The following FRMD5 variants were observed in gnomAD, a reference collection of about 807,000 sequenced individuals.
FRMD5 encodes FERM domain containing 5, also known as FERM domain-containing protein 5.
Under a neutral mutation model 69.0 loss-of-function variants are expected in FRMD5, and 20 were observed. The ratio of observed to expected loss-of-function variants is 0.29; its 90% CI spans 0.20 to 0.42. The LOEUF (loss-of-function observed/expected upper bound fraction) is 0.42, where lower values mean the gene tolerates loss of function less well. Among genes scored for constraint, FRMD5 ranks in the 10% least tolerant of loss-of-function variants. The probability of loss-of-function intolerance (pLI) is 1.00; values close to 1 mark genes in which losing one functional copy is unlikely to be tolerated. For missense variants in FRMD5, 595 were observed against 708.6 expected, an observed-to-expected ratio of 0.84 and a Z score of 1.82; for synonymous variants, 271 against 260.1, an observed-to-expected ratio of 1.04 and a Z score of -0.40.
chr15:43,969,256 A>T (rs906931634), intron 1 of FRMD5, among the ~76,000 whole-genome samples: 2 of 151,768 alleles, frequency 1.3e-5, no homozygotes, highest in Non-Finnish European at 1.5e-5. Flanking sequence ...TAATTTTTAA[A>T]TTTTTTGTAG....
chr15:43,882,240 C>T (rs547287348), intron 13 of FRMD5, among the ~76,000 whole-genome samples: 16 of 152,112 alleles, frequency 1.1e-4, no homozygotes, highest in African/African-American at 2.9e-4. Context: ...AGTGGAGATA[C>T]GTAGAATTTC....
intron 9 of FRMD5, 65 bp from the exon 10 acceptor site, chr15:43,888,331 G>A (rs1567211731): frequency 1.7e-6 from 2 of 1,150,828 alleles, no homozygotes; most frequent in Non-Finnish European, 2.6e-6. Context: ...AAGTAGGCGA[G>A]GACCCTGACC....
intron 1 of FRMD5, among the ~76,000 whole-genome samples, chr15:44,177,015 GA>G (rs1371551005): frequency 2.0e-5 from 3 of 148,878 alleles, no homozygotes; most frequent in Non-Finnish European, 4.4e-5. Flanking sequence ...TTGGCCAGGA[GA>G]AACTGGAACC....
intron 7 of FRMD5, among the ~76,000 whole-genome samples, chr15:43,893,592 CTT>C (rs2088846558): frequency 1.3e-5 from 2 of 152,322 alleles, no homozygotes; most frequent in South Asian, 4.1e-4. Flanking sequence ...TGACCAGAAA[CTT>C]ATGCTGTGAT....
At chr15:44,125,441 T>A (rs992540208) in intron 1 of FRMD5, among the ~76,000 whole-genome samples, 5 of 152,250 alleles carry the variant, frequency 3.3e-5, no homozygotes, top group Admixed American at 6.5e-5. Flanking sequence ...CCTTGTGCTC[T>A]TACACATAAT....
upstream of FRMD5, among the ~76,000 whole-genome samples, chr15:44,196,788 C>T (rs1370448078): frequency 6.7e-6 from 1 of 149,132 alleles, no homozygotes; most frequent in Non-Finnish European, 1.5e-5. Flanking sequence ...CTCCCCCTCT[C>T]CCTCCCCCTT....
chr15:43,883,859 G>T, intron 12 of FRMD5, 50 bp from the exon 13 acceptor site: 1 of 1,363,172 alleles, frequency 7.3e-7, no homozygotes, highest in Non-Finnish European at 1.1e-6. Context: ...GGACACATTT[G>T]GTAGGCACTT....
intron 1 of FRMD5, among the ~76,000 whole-genome samples, chr15:44,119,945 A>G (rs1178310559): frequency 1.3e-5 from 2 of 152,316 alleles, no homozygotes; most frequent in African/African-American, 2.4e-5. Flanking sequence ...GGAAGTAACC[A>G]ACTAAACAAG....
At chr15:43,910,031 A>T (rs747138611) in intron 4 of FRMD5, 52 bp from the exon 5 acceptor site, 1 of 1,044,666 alleles carries the variant, frequency 9.6e-7, no homozygotes, top group South Asian at 1.3e-5. Flanking sequence ...ATTGCTTTAA[A>T]GATAGAAATA....
intron 1 of FRMD5, among the ~76,000 whole-genome samples, chr15:43,998,816 C>G (rs201097585): frequency 1.3e-5 from 2 of 152,140 alleles, no homozygotes; most frequent in Non-Finnish European, 2.9e-5. Flanking sequence ...TGAAAGACTC[C>G]GCATTCCAAG....
At chr15:43,938,658 A>G (rs1387076258) in intron 1 of FRMD5, among the ~76,000 whole-genome samples, 1 of 152,226 alleles carries the variant, frequency 6.6e-6, no homozygotes, top group Admixed American at 6.5e-5. Flanking sequence ...TGCTTCAACC[A>G]GAACACCACT....
chr15:44,173,510 G>GA (rs1347127633), intron 1 of FRMD5, among the ~76,000 whole-genome samples: 2 of 150,596 alleles, frequency 1.3e-5, no homozygotes, highest in East Asian at 1.9e-4. Flanking sequence ...ATATAAGGAA[G>GA]AAAAAAATAT....
intron 13 of FRMD5, among the ~76,000 whole-genome samples, chr15:43,882,237 A>G (rs1214630938): frequency 6.6e-6 from 1 of 152,184 alleles, no homozygotes; most frequent in Admixed American, 6.5e-5. Context: ...TTCAGTGGAG[A>G]TACGTAGAAT....
At chr15:44,012,795 T>C (rs1163346043) in intron 1 of FRMD5, among the ~76,000 whole-genome samples, 4 of 150,134 alleles carry the variant, frequency 2.7e-5, no homozygotes, top group African/African-American at 9.8e-5. Context: ...AGATGGAGTT[T>C]CGCTCTTGTT....
chr15:44,039,544 G>A (rs1255057887), intron 1 of FRMD5, among the ~76,000 whole-genome samples: 1 of 152,162 alleles, frequency 6.6e-6, no homozygotes, highest in Non-Finnish European at 1.5e-5. Context: ...GTCTGGAGTG[G>A]ACCTCCATCA....
chr15:44,085,576 T>C (rs1595706038), intron 1 of FRMD5, among the ~76,000 whole-genome samples: 1 of 152,054 alleles, frequency 6.6e-6, no homozygotes, highest in African/African-American at 2.4e-5. Flanking sequence ...AGGAGCCACA[T>C]AGGGCAAGAG....
At chr15:44,011,671 A>G (rs1211174600) in intron 1 of FRMD5, among the ~76,000 whole-genome samples, 1 of 152,168 alleles carries the variant, frequency 6.6e-6, no homozygotes, top group Non-Finnish European at 1.5e-5. Flanking sequence ...GCAAAGGAGG[A>G]GGAAAGAGAA....
intron 1 of FRMD5, among the ~76,000 whole-genome samples, chr15:44,165,827 C>T (rs2012384): frequency 0.87 from 131,802 of 152,118 alleles, 57,925 homozygotes; most frequent in East Asian, 1. Flanking sequence ...TGAGACCCTG[C>T]CTCAAAAAAA....
chr15:43,920,295 ATT>A lies in FRMD5; in HGVS notation c.208-488_208-487del, dbSNP rs1402926591. On this transcript the variant is annotated intron_variant, in intron 2 of 13. Coordinates refer to ENST00000417257, the MANE Select transcript of FRMD5 (RefSeq NM_032892.5). ...CTCTAGAAAGTAGTGAGAAGTGGAA[ATT>A]TCCTAAGTCAGGGATGGCTGGTATA... Among the ~76,000 whole-genome samples, 5 of 152,140 alleles carry A rather than the reference ATT, an allele frequency of 3.3e-5. No individual in the cohort carries two copies. In the East Asian group the frequency reaches 9.6e-4, roughly 29 times the overall value.
Sources: gnomAD v4.1 joint callset for allele counts (sites outside exome capture counted in the v4.1 genomes callset) on GRCh38, gnomAD v4.1.1 for gene constraint, MANE v1.5 for transcripts, NCBI Gene and HGNC (gene_info 2026-07-23, HGNC 2026-07-21) for gene names.